NSUN6: variants seen among roughly 807,000 people sequenced by gnomAD.
NSUN6 encodes the protein NOP2/Sun RNA methyltransferase 6, also known as tRNA (cytosine(72)-C(5))-methyltransferase NSUN6.
NSUN6 carries 64 observed loss-of-function variants against 58.0 expected under a neutral mutation model. That is an observed-to-expected ratio of 1.10 (90% CI 0.90 to 1.36). The LOEUF (loss-of-function observed/expected upper bound fraction) is 1.36. Among genes scored for constraint, NSUN6 ranks in the 40% most tolerant of loss-of-function variants. The probability of loss-of-function intolerance (pLI) is 0.00; values close to 1 mark genes in which losing one functional copy is unlikely to be tolerated. For missense variants in NSUN6, 701 were observed against 550.1 expected (o/e 1.27, Z -2.74); for synonymous variants, 231 against 193.9 (o/e 1.19, Z -1.59).
chr10:18,591,151 T>C (rs887920429), intron 7 of NSUN6, among the ~76,000 whole-genome samples: 4 of 152,102 alleles, frequency 2.6e-5, no homozygotes, highest in African/African-American at 9.7e-5. Flanking sequence ...AATGGATAAA[T>C]TCCTGGACAC....
chr10:18,589,512 G>A (rs1444429022), intron 7 of NSUN6, among the ~76,000 whole-genome samples: 1 of 152,128 alleles, frequency 6.6e-6, no homozygotes, highest in Non-Finnish European at 1.5e-5. Flanking sequence ...CAGAAAGGAA[G>A]GTCAGGTCAC....
intron 7 of NSUN6, among the ~76,000 whole-genome samples, chr10:18,593,285 G>A (rs1427657166): frequency 1.3e-5 from 2 of 152,156 alleles, no homozygotes; most frequent in Non-Finnish European, 2.9e-5. Flanking sequence ...CAACCGCTGT[G>A]GAAGACAGTG....
intron 6 of NSUN6, among the ~76,000 whole-genome samples, chr10:18,597,934 T>C (rs2057658569): frequency 6.6e-6 from 1 of 152,142 alleles, no homozygotes; most frequent in South Asian, 2.1e-4. Flanking sequence ...TTAAAATCAA[T>C]GCAAACAATT....
At chr10:18,630,844 T>C (rs1450486016) in intron 3 of NSUN6, among the ~76,000 whole-genome samples, 1 of 152,108 alleles carries the variant, frequency 6.6e-6, no homozygotes, top group Non-Finnish European at 1.5e-5. Flanking sequence ...ACTGGTACCA[T>C]TCCTTCTGAA....
At chr10:18,556,300 G>A (rs202182870) in intron 8 of NSUN6, among the ~76,000 whole-genome samples, 29 of 69,362 alleles carry the variant, frequency 4.2e-4, no homozygotes, top group African/African-American at 1.4e-3. Context: ...GGAATGCACA[G>A]TGGAATGCAA....
chr10:18,651,350 T>C lies in NSUN6; in HGVS notation c.-147A>G. 2 of 1,384,646 alleles carry C rather than the reference T, an allele frequency of 1.4e-6. No individual in the cohort carries two copies. Among genetic ancestry groups the C allele is most frequent in the Non-Finnish European group, 1.9e-6 (2 of 1,075,886 alleles). 85.8% of individuals were successfully genotyped at this position (1,384,646 alleles called of 1,614,324 possible). A position where few individuals can be genotyped will look rare whatever the true frequency, so the allele number is the denominator to read the frequency against. ...GATCACGCTGAGTTAATTTCGGAAA[T>C]GCAGAGGTACACGCTTTCTCAAGCC... is the stretch of plus-strand genomic sequence containing the variant. On this transcript the variant is annotated 5_prime_UTR_variant, in exon 1 of 11. Transcript: ENST00000377304.
At chr10:18,652,888 G>A, upstream of NSUN6, 1 of 984,706 alleles carries the variant, frequency 1.0e-6, no homozygotes, top group Non-Finnish European at 1.2e-6. Context: ...AGTAAATCAA[G>A]GTTCCTAGGG....
At chr10:18,634,115 G>A (rs1279744221) in intron 3 of NSUN6, among the ~76,000 whole-genome samples, 6 of 152,116 alleles carry the variant, frequency 3.9e-5, no homozygotes, top group Non-Finnish European at 7.3e-5. Flanking sequence ...ATTCATTGGT[G>A]GCACACACAT....
intron 8 of NSUN6, among the ~76,000 whole-genome samples, chr10:18,552,927 CTCCAT>C (rs1054149871): frequency 8.8e-5 from 13 of 148,432 alleles, no homozygotes; most frequent in Non-Finnish European, 2.0e-4. Context: ...ACACTCGACT[CTCCAT>C]TCCATTCTCC....
chr10:18,596,063 T>C (rs78634075), intron 7 of NSUN6, 145 bp downstream of exon 7: 100,431 of 634,226 alleles, frequency 0.16, 9,004 homozygotes, highest in Middle Eastern at 0.22. Context: ...CTGAGCTTAA[T>C]ATGTAGTGAC....
upstream of NSUN6, among the ~76,000 whole-genome samples, chr10:18,655,516 C>T (rs977168887): frequency 2.3e-4 from 35 of 152,070 alleles, no homozygotes; most frequent in Non-Finnish European, 4.4e-5. Flanking sequence ...GATAGTGAAA[C>T]GTCATTTGTG....
At chr10:18,632,640 A>C (rs1395881426) in intron 3 of NSUN6, among the ~76,000 whole-genome samples, 1 of 152,230 alleles carries the variant, frequency 6.6e-6, no homozygotes, top group South Asian at 2.1e-4. Flanking sequence ...ATGCAGCCAA[A>C]AGACACACGA....
rs764303169 is a variant in NSUN6, at chr10:18,546,076, G to A, written c.1267C>T (p.Arg423Ter). 1.7e-5 allele frequency: 28 copies of A among 1,608,858 alleles called. No individual in the cohort carries two copies. Among genetic ancestry groups the A allele is most frequent in the Admixed American group, 3.4e-5 (2 of 59,078 alleles). The change falls in exon 11 of 11, where the codon CGA becomes TGA. Residue 423 changes from arginine to a stop codon, truncating the protein, a stop_gained. Transcript: ENST00000377304. LOFTEE classifies it high-confidence loss of function. The stretch of plus-strand genomic sequence containing the variant: ...AATGGCACAGCCGATGGATCAAATC[G>A]CTGCAGCTGTTTCAACTGTTCACAT... ...LSCEQLKQLQRFDPSAVPLPD... is the reference protein window; with the variant it reads ...LSCEQLKQLQ
intron 3 of NSUN6, among the ~76,000 whole-genome samples, chr10:18,641,935 G>A (rs1317995688): frequency 1.3e-5 from 2 of 152,084 alleles, no homozygotes; most frequent in African/African-American, 4.8e-5. Context: ...AGGTGCAGTG[G>A]TGCGCAACTG....
chr10:18,614,735 T>C, intron 4 of NSUN6, 122 bp from the exon 5 acceptor site: 1 of 406,632 alleles, frequency 2.5e-6, no homozygotes, highest in Non-Finnish European at 4.3e-6. Flanking sequence ...CAGTTCAAAC[T>C]TGCTCATTAC....
chr10:18,575,246 T>TAA (rs2056592347), intron 8 of NSUN6, among the ~76,000 whole-genome samples: 3 of 152,166 alleles, frequency 2.0e-5, no homozygotes, highest in Non-Finnish European at 4.4e-5. Flanking sequence ...AAATAGTTGC[T>TAA]TAGTATATAA....
At chr10:18,569,219 C>G (rs901949062) in intron 8 of NSUN6, among the ~76,000 whole-genome samples, 2 of 150,244 alleles carry the variant, frequency 1.3e-5, no homozygotes, top group African/African-American at 4.9e-5. Context: ...ATTCCATTCT[C>G]CATTTCATTC....
Position 18,551,818 on chromosome 10 carries a change from C to T in NSUN6, c.1071+5G>A, listed in dbSNP as rs2054621703. 1.2e-6 allele frequency: 2 copies of T among 1,609,720 alleles called. No homozygotes were observed. The highest frequency in any genetic ancestry group is 1.7e-5 in the Admixed American group (1 of 59,246). On this transcript the variant is annotated splice_donor_5th_base_variant and intron_variant, in intron 9 of 10. Coordinates refer to ENST00000377304, the MANE Select transcript of NSUN6 (RefSeq NM_182543.5). ...TTTGTTTCACAAAAACAGACCACCA[C>T]ATACTGCAGTGAAGAGTTTTCGCTG...
At chr10:18,605,937 A>C (rs2058033043) in intron 6 of NSUN6, among the ~76,000 whole-genome samples, 1 of 152,204 alleles carries the variant, frequency 6.6e-6, no homozygotes, top group Non-Finnish European at 1.5e-5. Context: ...CTTATGACAA[A>C]ACGGAAAGAA....
Sources: gnomAD v4.1 joint callset for allele counts (sites outside exome capture counted in the v4.1 genomes callset) on GRCh38, gnomAD v4.1.1 for gene constraint, MANE v1.5 for transcripts, NCBI Gene and HGNC (gene_info 2026-07-23, HGNC 2026-07-21) for gene names.